SLC4A4: variants seen among roughly 807,000 people sequenced by gnomAD.
SLC4A4 encodes the protein solute carrier family 4 member 4.
Under a neutral mutation model 111.5 loss-of-function variants are expected in SLC4A4, and 27 were observed. That is an observed-to-expected ratio of 0.24 (90% CI 0.18 to 0.33). The LOEUF (loss-of-function observed/expected upper bound fraction) is 0.33, where lower values mean the gene tolerates loss of function less well. Among genes scored for constraint, SLC4A4 ranks in the 10% least tolerant of loss-of-function variants. The pLI is 1.00. For synonymous variants in SLC4A4, 443 were observed against 463.4 expected, an observed-to-expected ratio of 0.96 and a Z score of 0.57; for missense variants, 909 against 1,315.5, an observed-to-expected ratio of 0.69 and a Z score of 4.78.
intron 1 of SLC4A4, among the ~76,000 whole-genome samples, chr4:71,225,708 T>C (rs1719005907): frequency 6.6e-6 from 1 of 152,142 alleles, no homozygotes; most frequent in Non-Finnish European, 1.5e-5. Flanking sequence ...GTCAGGGGGC[T>C]GTACATGATC....
intron 2 of SLC4A4, among the ~76,000 whole-genome samples, chr4:71,240,806 T>A (rs989245203): frequency 1.3e-5 from 2 of 152,236 alleles, no homozygotes; most frequent in East Asian, 1.9e-4. Flanking sequence ...ACATATTTTT[T>A]AAATTTTTTT....
chr4:71,126,046 AAGAT>A (rs1246003513), intron 2 of SLC4A4, among the ~76,000 whole-genome samples: 4 of 152,184 alleles, frequency 2.6e-5, no homozygotes, highest in Admixed American at 6.5e-5. Context: ...ATGTTTTCTA[AAGAT>A]AGATAGATCA....
chr4:71,233,301 T>C (rs1301368881), intron 1 of SLC4A4: 2 of 985,296 alleles, frequency 2.0e-6, no homozygotes, highest in African/African-American at 3.5e-5. Context: ...CTGTGTCTGC[T>C]ACTGTGTGTG....
rs186709228 is a variant in SLC4A4, at chr4:71,283,878, T to G, written c.253+28479T>G. Among the ~76,000 whole-genome samples the G allele has an allele frequency of 5.0e-3, 763 of 152,316 alleles. 6 individuals are homozygous for G. Among genetic ancestry groups the G allele is most frequent in the Admixed American group, 0.023 (353 of 15,290 alleles). On this transcript the variant is annotated intron_variant, in intron 3 of 25. Transcript: ENST00000264485. The stretch of plus-strand genomic sequence containing the variant: ...CAAGTGCTTGATGAGCTTTTTATAG[T>G]CCTCCTGCTGCAGATGCCTCCTCCT...
intron 2 of SLC4A4, among the ~76,000 whole-genome samples, chr4:71,155,417 G>A (rs1744430684): frequency 6.6e-6 from 1 of 152,110 alleles, no homozygotes; most frequent in South Asian, 2.1e-4. Context: ...AAGTTGTGGA[G>A]CTGGTAGCCA....
intron 4 of SLC4A4, among the ~76,000 whole-genome samples, chr4:71,340,677 T>C (rs188030101): frequency 1.6e-4 from 24 of 152,296 alleles, no homozygotes; most frequent in African/African-American, 5.3e-4. Context: ...GGCCCGAGTT[T>C]ACTTTGACTC....
chr4:71,230,613 GAT>G (rs1348082407), intron 1 of SLC4A4, among the ~76,000 whole-genome samples: 1 of 152,208 alleles, frequency 6.6e-6, no homozygotes, highest in African/African-American at 2.4e-5. Flanking sequence ...GAGAACCAGT[GAT>G]ATTAAACTCT....
chr4:71,210,234 G>T (rs1210253344), intron 1 of SLC4A4, among the ~76,000 whole-genome samples: 1 of 152,200 alleles, frequency 6.6e-6, no homozygotes, highest in Admixed American at 6.5e-5. Context: ...TGGGCAAGCA[G>T]GAGCTGCAAC....
chr4:71,344,108 TTCC>T (rs1449465746), intron 4 of SLC4A4, among the ~76,000 whole-genome samples: 1 of 152,150 alleles, frequency 6.6e-6, no homozygotes, highest in Non-Finnish European at 1.5e-5. Flanking sequence ...TTATTGTCTC[TTCC>T]CAATAGAATT....
chr4:71,066,482 T>C (rs1578446913), intron 1 of SLC4A4, among the ~76,000 whole-genome samples: 1 of 152,194 alleles, frequency 6.6e-6, no homozygotes, highest in East Asian at 1.9e-4. Flanking sequence ...TTTAAAGGTG[T>C]AGCCCTTTAC....
intron 2 of SLC4A4, among the ~76,000 whole-genome samples, chr4:71,135,259 T>G (rs889809874): frequency 2.6e-5 from 4 of 151,692 alleles, no homozygotes; most frequent in African/African-American, 7.3e-5. Context: ...ATGTATTACC[T>G]CACATACTAA....
chr4:71,463,428 T>C (rs1727022599), intron 12 of SLC4A4, among the ~76,000 whole-genome samples: 1 of 152,178 alleles, frequency 6.6e-6, no homozygotes, highest in South Asian at 2.1e-4. Flanking sequence ...ATTTCTGTAT[T>C]GTGAAGAGGA....
intron 6 of SLC4A4, among the ~76,000 whole-genome samples, chr4:71,385,433 G>A (rs1718621276): frequency 6.6e-6 from 1 of 151,470 alleles, no homozygotes; most frequent in Non-Finnish European, 1.5e-5. Flanking sequence ...ACTGACCTCA[G>A]GCAATCCGCC....
At chr4:71,152,980 TATATATGTGTATATATA>T (rs1744351491) in intron 2 of SLC4A4, among the ~76,000 whole-genome samples, 1 of 99,078 alleles carries the variant, frequency 1.0e-5, no homozygotes, top group Admixed American at 1.3e-4. Flanking sequence ...TATATGTAAA[TATATATGTGTATATATA>T]AATATATATG....
At chr4:71,166,200 G>A (rs563385331) in intron 2 of SLC4A4, among the ~76,000 whole-genome samples, 9 of 152,282 alleles carry the variant, frequency 5.9e-5, no homozygotes, top group Admixed American at 5.9e-4. Context: ...AACACTTGCT[G>A]TACTCACCCA....
At chr4:71,199,579 C>T (rs1746157552) in intron 1 of SLC4A4, among the ~76,000 whole-genome samples, 1 of 152,186 alleles carries the variant, frequency 6.6e-6, no homozygotes, top group Non-Finnish European at 1.5e-5. Flanking sequence ...CCTGTTTGGC[C>T]TACAGCTTTT....
intron 2 of SLC4A4, among the ~76,000 whole-genome samples, chr4:71,140,498 C>T (rs1428527777): frequency 6.6e-6 from 1 of 152,162 alleles, no homozygotes. Context: ...TTTTAATCTC[C>T]ATACTCATAT....
At chr4:71,397,469 A>G in intron 6 of SLC4A4, 108 bp from the exon 7 acceptor site, 2 of 981,104 alleles carry the variant, frequency 2.0e-6, no homozygotes, top group Non-Finnish European at 3.3e-6. Context: ...GGTTAAAAGT[A>G]TCATCACCAT....
chr4:71,384,155 C>T (rs1718434087), intron 6 of SLC4A4, among the ~76,000 whole-genome samples: 1 of 152,154 alleles, frequency 6.6e-6, no homozygotes. Flanking sequence ...CACTTGAGGT[C>T]CTGAAGCTAT....
Sources: allele counts gnomAD v4.1 joint callset (sites outside exome capture counted in the v4.1 genomes callset), GRCh38; gene constraint gnomAD v4.1.1; transcripts MANE v1.5; gene names NCBI Gene and HGNC (gene_info 2026-07-23, HGNC 2026-07-21).